The following DOCK3 variants were observed in gnomAD, a reference collection of about 807,000 sequenced individuals.
DOCK3 encodes dedicator of cytokinesis protein 3.
In DOCK3, 60 loss-of-function variants were observed where a neutral mutation model predicts 265.6. The ratio of observed to expected loss-of-function variants is 0.23; its 90% CI spans 0.18 to 0.28. DOCK3 has a LOEUF of 0.28. Among genes scored for constraint, DOCK3 ranks in the 10% least tolerant of loss-of-function variants. The pLI is 1.00. For missense variants in DOCK3, 1,981 were observed against 2,594.3 expected (o/e 0.76, Z 5.14); for synonymous variants, 881 against 938.0 (o/e 0.94, Z 1.11).
At chr3:51,370,934 C>G (rs190998527) in intron 49 of DOCK3, among the ~76,000 whole-genome samples, 40 of 152,318 alleles carry the variant, frequency 2.6e-4, no homozygotes, top group Non-Finnish European at 4.7e-4. Context: ...CTGGGGCTGT[C>G]AACTTGAGCT....
chr3:51,322,329 A>C (rs904883866), intron 32 of DOCK3, among the ~76,000 whole-genome samples: 1 of 152,100 alleles, frequency 6.6e-6, no homozygotes, highest in South Asian at 2.1e-4. Flanking sequence ...CAGCCTCCAG[A>C]GAAGCTGGGA....
At chr3:50,743,064 A>G (rs1271952690) in intron 1 of DOCK3, among the ~76,000 whole-genome samples, 4 of 152,072 alleles carry the variant, frequency 2.6e-5, no homozygotes, top group Non-Finnish European at 5.9e-5. Flanking sequence ...AAGAATTTTC[A>G]ACCCAGAATT....
intron 14 of DOCK3, among the ~76,000 whole-genome samples, chr3:51,219,410 C>T (rs1272761644): frequency 1.3e-5 from 2 of 152,138 alleles, no homozygotes; most frequent in Non-Finnish European, 2.9e-5. Context: ...TAATCCTCAT[C>T]AGCCTCACCT....
intron 22 of DOCK3, among the ~76,000 whole-genome samples, chr3:51,248,837 GC>G (rs1472783147): frequency 4.3e-5 from 6 of 139,226 alleles, no homozygotes; most frequent in Non-Finnish European, 6.2e-5. Flanking sequence ...GAGCACCTCT[GC>G]CCCGCCGCCC....
intron 6 of DOCK3, among the ~76,000 whole-genome samples, chr3:51,074,738 C>T (rs755222086): frequency 6.6e-6 from 1 of 152,060 alleles, no homozygotes; most frequent in Non-Finnish European, 1.5e-5. Flanking sequence ...GGCTTAATTT[C>T]TAGGTGGTGG....
intron 10 of DOCK3, among the ~76,000 whole-genome samples, chr3:51,154,775 T>C (rs180853425): frequency 1.3e-5 from 2 of 152,318 alleles, no homozygotes; most frequent in Admixed American, 1.3e-4. Context: ...GGCATTTGAA[T>C]GTAATTACAG....
intron 19 of DOCK3, among the ~76,000 whole-genome samples, chr3:51,235,702 G>C (rs529325088): frequency 6.6e-6 from 1 of 152,260 alleles, no homozygotes; most frequent in South Asian, 2.1e-4. Context: ...GGCTGCAAGT[G>C]TCCATCAATA....
chr3:51,205,788 G>A (rs9858412), intron 12 of DOCK3, among the ~76,000 whole-genome samples: 138,875 of 152,304 alleles, frequency 0.91, 63,457 homozygotes, highest in African/African-American at 0.96. Context: ...GAGAATAAAA[G>A]GAAGCATTGG....
At chr3:50,938,554 T>G (rs985377490) in intron 5 of DOCK3, among the ~76,000 whole-genome samples, 15 of 151,888 alleles carry the variant, frequency 9.9e-5, no homozygotes, top group Admixed American at 8.5e-4. Context: ...ATAATTGAAG[T>G]CATACAAAGG....
intron 1 of DOCK3, among the ~76,000 whole-genome samples, chr3:50,731,516 C>T (rs1041527006): frequency 9.2e-5 from 14 of 152,048 alleles, no homozygotes; most frequent in Non-Finnish European, 1.9e-4. Flanking sequence ...ATCTCTATAC[C>T]TTTTTCTTAA....
At chr3:51,279,015 G>A (rs1052952569) in intron 26 of DOCK3, among the ~76,000 whole-genome samples, 5 of 152,148 alleles carry the variant, frequency 3.3e-5, no homozygotes, top group African/African-American at 7.2e-5. Flanking sequence ...TTGGGAGGCC[G>A]AGGCAGATGG....
chr3:50,916,975 G>A (rs543140832), intron 4 of DOCK3, among the ~76,000 whole-genome samples: 1 of 151,854 alleles, frequency 6.6e-6, no homozygotes, highest in African/African-American at 2.4e-5. Flanking sequence ...TTTTAAGAAA[G>A]TAAGAAAGAC....
At chr3:51,351,711 C>T (rs1211442560) in intron 40 of DOCK3, among the ~76,000 whole-genome samples, 2 of 134,304 alleles carry the variant, frequency 1.5e-5, no homozygotes, top group South Asian at 4.9e-4. Flanking sequence ...GGCTGGAGTA[C>T]AATGGCACGA....
chr3:51,237,571 G>A lies in DOCK3; in HGVS notation c.2083G>A (p.Ala695Thr). 1 of 1,613,488 alleles carries A rather than the reference G, an allele frequency of 6.2e-7. No individual in the cohort carries two copies. Among genetic ancestry groups the A allele is most frequent in the Non-Finnish European group, 8.5e-7 (1 of 1,179,704 alleles). The change falls in exon 21 of 53, where the codon GCT becomes ACT. Residue 695 changes from alanine (A) to threonine (T), a missense_variant. Ala to Thr is a moderately conservative substitution (Grantham distance 58). Around this residue, in one of 4 missense-constraint regions of DOCK3, gnomAD observed 1,357 missense variants for 1,866.8 expected, o/e 0.73. Coordinates refer to ENST00000266037, the MANE Select transcript of DOCK3 (RefSeq NM_004947.5). The part of the protein sequence containing the change: ...VMDTYIQKHF[A>T]GALAYKELIR... ...GGACACGTATATCCAGAAGCACTTT[G>A]CTGGAGCTCTGGCATACAAGTAAGT...
intron 49 of DOCK3, among the ~76,000 whole-genome samples, chr3:51,367,096 G>A (rs2110434302): frequency 6.6e-6 from 1 of 152,304 alleles, no homozygotes; most frequent in East Asian, 1.9e-4. Flanking sequence ...GGCTGTTAAA[G>A]TCTCCCATTG....
intron 24 of DOCK3, among the ~76,000 whole-genome samples, chr3:51,272,443 A>ATTTTTTTT (rs11371306): frequency 7.5e-6 from 1 of 132,690 alleles, no homozygotes. Context: ...TGCCTGGCTA[A>ATTTTTTTT]TTTTTTTTTT....
intron 2 of DOCK3, among the ~76,000 whole-genome samples, chr3:50,823,421 G>C (rs1049334992): frequency 6.6e-6 from 1 of 152,140 alleles, no homozygotes; most frequent in African/African-American, 2.4e-5. Context: ...ATCTTGCACC[G>C]CCCTTAATCC....
At chr3:50,856,824 T>C (rs140561664) in intron 3 of DOCK3, among the ~76,000 whole-genome samples, 8 of 152,298 alleles carry the variant, frequency 5.3e-5, no homozygotes, top group African/African-American at 1.7e-4. Flanking sequence ...GGGTTTGTCA[T>C]CTATGGCTCT....
At chr3:50,913,100 C>T (rs934030911) in intron 4 of DOCK3, among the ~76,000 whole-genome samples, 1 of 152,110 alleles carries the variant, frequency 6.6e-6, no homozygotes, top group Non-Finnish European at 1.5e-5. Flanking sequence ...CACCCAAGGC[C>T]CTTGACATAG....
Sources: allele counts gnomAD v4.1 joint callset (sites outside exome capture counted in the v4.1 genomes callset), GRCh38; gene constraint gnomAD v4.1.1; regional missense constraint gnomAD v4.1.1; transcripts MANE v1.5; gene names NCBI Gene and HGNC (gene_info 2026-07-23, HGNC 2026-07-21).